Variants in NLRP14 observed in about 807,000 individuals in gnomAD.
The protein encoded by NLRP14 is NACHT, LRR and PYD domains-containing protein 14.
NLRP14 carries 105 observed loss-of-function variants against 94.7 expected under a neutral mutation model. That is an observed-to-expected ratio of 1.11 (90% CI 0.95 to 1.30). NLRP14 has a LOEUF of 1.30. NLRP14 is among the 50% of genes most tolerant of loss of function. NLRP14 has a pLI of 0.00. For missense variants in NLRP14, 1,362 were observed against 1,254.1 expected, an observed-to-expected ratio of 1.09 and a Z score of -1.30; for synonymous variants, 508 against 459.9, an observed-to-expected ratio of 1.10 and a Z score of -1.34.
chr11:7,034,034 C>G (rs1256311833), intron 1 of NLRP14, among the ~76,000 whole-genome samples: 1 of 152,074 alleles, frequency 6.6e-6, no homozygotes, highest in Non-Finnish European at 1.5e-5. Context: ...CTCCACTGTC[C>G]CCACCTGCTC....
chr11:7,045,617 C>T (rs559362800), intron 4 of NLRP14, among the ~76,000 whole-genome samples: 4 of 152,078 alleles, frequency 2.6e-5, no homozygotes, highest in African/African-American at 9.6e-5. Context: ...AATTTAAGAC[C>T]TCAAGTGATA....
intron 6 of NLRP14, among the ~76,000 whole-genome samples, chr11:7,054,477 A>T (rs138553436): frequency 6.6e-6 from 1 of 152,118 alleles, no homozygotes; most frequent in African/African-American, 2.4e-5. Flanking sequence ...TTTGTTATTG[A>T]CTGAATTTTG....
At chr11:7,027,328 T>A (rs1852030290) in intron 1 of NLRP14, among the ~76,000 whole-genome samples, 1 of 151,996 alleles carries the variant, frequency 6.6e-6, no homozygotes, top group Admixed American at 6.6e-5. Context: ...GGGTTGGAAG[T>A]CCAAGATCAA....
intron 1 of NLRP14, among the ~76,000 whole-genome samples, chr11:7,036,432 C>T (rs1042603258): frequency 2.0e-5 from 3 of 151,956 alleles, no homozygotes; most frequent in Admixed American, 1.3e-4. Flanking sequence ...ATATAGATCT[C>T]GGCTCAAAGG....
At chr11:7,068,357 C>G (rs1051021412) in intron 10 of NLRP14, among the ~76,000 whole-genome samples, 6 of 152,138 alleles carry the variant, frequency 3.9e-5, no homozygotes, top group Non-Finnish European at 7.4e-5. Flanking sequence ...AAGGTTACAA[C>G]TTCCCTTCAA....
intron 1 of NLRP14, among the ~76,000 whole-genome samples, chr11:7,021,007 A>T (rs930124789): frequency 1.3e-5 from 2 of 152,186 alleles, no homozygotes; most frequent in African/African-American, 4.8e-5. Flanking sequence ...TGAGTGTGTT[A>T]TATTAGGAAA....
In NLRP14 at chr11:7,070,600, C is replaced by G. The variant is rs1852779874; in HGVS notation, c.3146+144C>G. 29 of 633,858 alleles carry G rather than the reference C, an allele frequency of 4.6e-5. No homozygotes were observed. The South Asian group carries it at 5.4e-4, about 12-fold the overall frequency. 39.3% of individuals were successfully genotyped at this position (633,858 alleles called of 1,614,324 possible). ...ACTTATTTGTTTTTCTGTCATAGAACACTGAATATTGAGAGATACAATATA... is the reference window on the plus strand; with the variant it reads ...ACTTATTTGTTTTTCTGTCATAGAAGACTGAATATTGAGAGATACAATATA... On this transcript the variant is annotated intron_variant, in intron 11 of 11. Coordinates refer to ENST00000299481, the MANE Select transcript of NLRP14 (RefSeq NM_176822.4).
At chr11:7,089,801 A>T in the NLRP14 span, 6 of 1,604,024 alleles carry the variant, frequency 3.7e-6, no homozygotes, top group Non-Finnish European at 5.1e-6. Context: ...ACTACCGCGA[A>T]CCCCGGGGTT....
At chr11:7,078,438 A>AG in the NLRP14 span, among the ~76,000 whole-genome samples, 1 of 93,754 alleles carries the variant, frequency 1.1e-5, no homozygotes, top group Admixed American at 1.1e-4. Flanking sequence ...ACTCTGTCTC[A>AG]AAAAAAAAAA....
At chr11:7,055,492 T>C (rs1852504455) in intron 6 of NLRP14, among the ~76,000 whole-genome samples, 1 of 152,100 alleles carries the variant, frequency 6.6e-6, no homozygotes, top group South Asian at 2.1e-4. Context: ...AAAAATACAT[T>C]CACGCAGCAT....
At chr11:7,056,077 GA>G (rs1209884478) in intron 6 of NLRP14, among the ~76,000 whole-genome samples, 4 of 151,806 alleles carry the variant, frequency 2.6e-5, no homozygotes, top group Admixed American at 1.3e-4. Flanking sequence ...ATACAGGTGA[GA>G]AAAAACCTCC....
intron 1 of NLRP14, among the ~76,000 whole-genome samples, chr11:7,035,069 A>G (rs1852142642): frequency 6.6e-6 from 1 of 151,922 alleles, no homozygotes; most frequent in Non-Finnish European, 1.5e-5. Flanking sequence ...AGGTGGGCAG[A>G]TCACTTGAGG....
intron 10 of NLRP14, 57 bp downstream of exon 10, chr11:7,062,560 A>G (rs1028790060): frequency 1.4e-6 from 2 of 1,471,068 alleles, no homozygotes; most frequent in Non-Finnish European, 1.9e-6. Flanking sequence ...TAGTATAGCT[A>G]GAAGATATTT....
Position 7,046,762 on chromosome 11 carries a change from C to T in NLRP14, c.2053C>T (p.Leu685Phe). ...LRELDLYHSN[L>F]DKSAMNILHH... ...AGAATTGGACCTGTACCATAGCAAC[C>T]TTGATAAATCAGCAATGAATATCCT... The change falls in exon 5 of 12, where the codon CTT becomes TTT. Residue 685 changes from leucine to phenylalanine, a missense_variant. Leu to Phe is a conservative substitution (Grantham distance 22). Transcript: ENST00000299481. The T allele has an allele frequency of 6.2e-7, 1 of 1,613,520 alleles. No homozygotes were observed. The highest frequency in any genetic ancestry group is 8.5e-7 in the Non-Finnish European group (1 of 1,179,432).
At chr11:7,053,910 T>A (rs1852479869) in intron 6 of NLRP14, among the ~76,000 whole-genome samples, 1 of 152,148 alleles carries the variant, frequency 6.6e-6, no homozygotes, top group African/African-American at 2.4e-5. Flanking sequence ...TCTAACTATT[T>A]TTTTGTACCC....
At chr11:7,055,058 A>G (rs1852498815) in intron 6 of NLRP14, among the ~76,000 whole-genome samples, 1 of 152,104 alleles carries the variant, frequency 6.6e-6, no homozygotes, top group South Asian at 2.1e-4. Context: ...TACTAAAGAG[A>G]CTGTCCTTTC....
rs149420946 is a variant in NLRP14 at position 7,062,367 on chromosome 11, C to G, written c.2839C>G (p.Leu947Val). The G allele has an allele frequency of 5.6e-5, 90 of 1,613,058 alleles. No homozygotes were observed. In the African/African-American group the frequency reaches 1.1e-3, roughly 20 times the overall value. The change falls in exon 10 of 12, where the codon CTG becomes GTG. Residue 947 changes from leucine (L) to valine (V), a missense_variant. Transcript: ENST00000299481. ...MGCVLTNACC[L>V]DLASVILNNP... is the part of the protein sequence containing the mutation. ...CTGTGTTCTCACTAATGCATGTTGT[C>G]TGGATCTGGCTTCTGTTATTTTGAA...
chr11:7,043,072 C>T lies in NLRP14; in HGVS notation c.1046C>T (p.Ala349Val), dbSNP rs1239693651. ...IYQFFEDKRWAMKVFSSLKSN... is the reference protein window; with the variant it reads ...IYQFFEDKRWVMKVFSSLKSN... ...CAGTTTTTTGAAGATAAGAGGTGGGCCATGAAAGTATTCAGTTCACTAAAA... is the reference window on the plus strand; with the variant it reads ...CAGTTTTTTGAAGATAAGAGGTGGGTCATGAAAGTATTCAGTTCACTAAAA... The change falls in exon 4 of 12, where the codon GCC (alanine) becomes GTC (valine). Residue 349 changes from alanine to valine, a missense_variant. Transcript: ENST00000299481. 6.2e-7 allele frequency: 1 copy of T among 1,614,026 alleles called. No individual in the cohort carries two copies. Among genetic ancestry groups the T allele is most frequent in the Non-Finnish European group, 8.5e-7 (1 of 1,180,006 alleles).
intron 10 of NLRP14, among the ~76,000 whole-genome samples, chr11:7,067,608 T>A (rs371004146): frequency 6.6e-6 from 1 of 152,188 alleles, no homozygotes; most frequent in East Asian, 1.9e-4. Flanking sequence ...ATGTGATGAA[T>A]CACATCGATA....
Sources: allele counts gnomAD v4.1 joint callset (sites outside exome capture counted in the v4.1 genomes callset), GRCh38; gene constraint gnomAD v4.1.1; transcripts MANE v1.5; gene names NCBI Gene and HGNC (gene_info 2026-07-23, HGNC 2026-07-21).